SFMBT2: variants seen among roughly 807,000 people sequenced by gnomAD.
The protein encoded by SFMBT2 is scm-like with four MBT domains protein 2.
A neutral mutation model predicts 110.1 loss-of-function variants in SFMBT2; 38 were observed. The observed-to-expected ratio is 0.35, with a 90% CI of 0.27 to 0.45. SFMBT2 has a LOEUF of 0.45. Ranked by LOEUF, SFMBT2 falls within the 20% of genes least tolerant of loss-of-function variation. The probability of loss-of-function intolerance (pLI) is 1.00; values close to 1 mark genes in which losing one functional copy is unlikely to be tolerated. For missense variants in SFMBT2, 1,011 were observed against 1,094.9 expected (o/e 0.92, Z 1.08); for synonymous variants, 425 against 425.4 (o/e 1.00, Z 0.01).
intron 4 of SFMBT2, among the ~76,000 whole-genome samples, chr10:7,324,763 C>T (rs1843323165): frequency 6.6e-6 from 1 of 152,142 alleles, no homozygotes; most frequent in Non-Finnish European, 1.5e-5. Context: ...ACTCGGAGGC[C>T]TCTCCTCCTG....
chr10:7,231,303 G>A (rs1391548107), intron 9 of SFMBT2, among the ~76,000 whole-genome samples: 1 of 152,148 alleles, frequency 6.6e-6, no homozygotes, highest in Non-Finnish European at 1.5e-5. Flanking sequence ...TATTTCCTGA[G>A]TTAATTTCAA....
chr10:7,336,841 T>C (rs1843729761), intron 4 of SFMBT2, among the ~76,000 whole-genome samples: 1 of 152,180 alleles, frequency 6.6e-6, no homozygotes, highest in Non-Finnish European at 1.5e-5. Context: ...CATGCAATTT[T>C]AGCAGAACAG....
chr10:7,254,944 T>G (rs985852666), intron 7 of SFMBT2, among the ~76,000 whole-genome samples: 1 of 152,184 alleles, frequency 6.6e-6, no homozygotes, highest in African/African-American at 2.4e-5. Context: ...TTGACACTCC[T>G]AAGGAATAAC....
intron 6 of SFMBT2, among the ~76,000 whole-genome samples, chr10:7,282,123 G>C (rs966083972): frequency 6.6e-6 from 1 of 152,230 alleles, no homozygotes; most frequent in East Asian, 1.9e-4. Context: ...ATCTTCAGGG[G>C]CCCCCAAGAA....
At chr10:7,201,378 G>A (rs1415166871) in intron 13 of SFMBT2, among the ~76,000 whole-genome samples, 4 of 152,212 alleles carry the variant, frequency 2.6e-5, no homozygotes, top group Non-Finnish European at 5.9e-5. Context: ...GGTGAGAACC[G>A]TTAATCCACG....
At chr10:7,206,552 G>T in intron 11 of SFMBT2, 2 of 985,416 alleles carry the variant, frequency 2.0e-6, no homozygotes, top group Non-Finnish European at 2.4e-6. Context: ...GTGGCCTGTA[G>T]ACTTTGGCTA....
At chr10:7,212,521 C>A (rs887362997) in intron 11 of SFMBT2, among the ~76,000 whole-genome samples, 35 of 152,158 alleles carry the variant, frequency 2.3e-4, no homozygotes, top group Admixed American at 1.0e-3. Context: ...GCACAGGCTC[C>A]CGCAGGTGGC....
rs1837475686 is a variant in SFMBT2, at chr10:7,158,687, T to C, written c.*5083A>G. 6.6e-6 allele frequency: 1 copy of C among 152,368 alleles called. No homozygotes were observed. The highest frequency in any genetic ancestry group is 2.4e-5 in the African/African-American group (1 of 41,592). 9.4% of individuals were successfully genotyped at this position (152,368 alleles called of 1,614,324 possible). ...ATTTTTTTGAAGTAAAAAGGGTTTT[T>C]TTCATTTAGAATAAAAATTAAAATA... On this transcript the variant is annotated 3_prime_UTR_variant, in exon 21 of 21. Coordinates refer to ENST00000397167, the MANE Select transcript of SFMBT2 (RefSeq NM_001387889.1).
At chr10:7,379,405 T>G (rs10905158) in intron 2 of SFMBT2, among the ~76,000 whole-genome samples, 139,262 of 152,128 alleles carry the variant, frequency 0.92, 63,900 homozygotes, top group East Asian at 1. Context: ...ACTTAATAGT[T>G]TGAATGCTCA....
intron 1 of SFMBT2, among the ~76,000 whole-genome samples, chr10:7,395,337 T>G (rs2132113181): frequency 6.6e-6 from 1 of 152,348 alleles, no homozygotes; most frequent in South Asian, 2.1e-4. Flanking sequence ...TCTTGAGGGC[T>G]TCCCTCCATG....
In SFMBT2 at chr10:7,375,968, C is replaced by T. The variant is rs535774824; in HGVS notation, c.101-5593G>A. On this transcript the variant is annotated intron_variant, in intron 2 of 20. Transcript: ENST00000397167. The stretch of plus-strand genomic sequence containing the variant: ...CCCAAATAGAAGAGCCTGTGGTTCT[C>T]CAGTTAATACCAAATGCCAAGAAGA... Among the ~76,000 whole-genome samples the T allele has an allele frequency of 1.6e-4, 24 of 152,176 alleles. No individual in the cohort carries two copies. The South Asian group carries it at 4.8e-3, about 30-fold the overall frequency.
intron 17 of SFMBT2, among the ~76,000 whole-genome samples, chr10:7,175,768 A>C (rs569504519): frequency 6.6e-6 from 1 of 152,272 alleles, no homozygotes; most frequent in South Asian, 2.1e-4. Context: ...CTACCAATGA[A>C]AATTCATCCT....
chr10:7,319,027 G>GC (rs1205278889), intron 4 of SFMBT2, among the ~76,000 whole-genome samples: 1 of 152,214 alleles, frequency 6.6e-6, no homozygotes, highest in East Asian at 1.9e-4. Flanking sequence ...CTGGAGCAGG[G>GC]CCACACGAGG....
chr10:7,278,717 C>A (rs760165710), intron 6 of SFMBT2, among the ~76,000 whole-genome samples: 5 of 152,058 alleles, frequency 3.3e-5, no homozygotes, highest in Non-Finnish European at 5.9e-5. Flanking sequence ...CACCTTTGGC[C>A]CCTTGCTTGG....
chr10:7,369,507 G>T (rs1472468256), intron 3 of SFMBT2, among the ~76,000 whole-genome samples: 2 of 152,194 alleles, frequency 1.3e-5, no homozygotes, highest in Non-Finnish European at 2.9e-5. Context: ...CTTGCCCAGT[G>T]CTGGACATGC....
chr10:7,400,861 G>A (rs995267324), intron 1 of SFMBT2, among the ~76,000 whole-genome samples: 5 of 152,152 alleles, frequency 3.3e-5, no homozygotes, highest in East Asian at 1.9e-4. Flanking sequence ...GGCCAGGCGC[G>A]GTGGTTCGCG....
intron 4 of SFMBT2, among the ~76,000 whole-genome samples, chr10:7,347,774 G>A (rs1037137837): frequency 2.7e-4 from 41 of 152,098 alleles, no homozygotes; most frequent in African/African-American, 9.4e-4. Context: ...GAAGGGCCAC[G>A]GCCAATTATG....
chr10:7,356,227 C>T (rs921496137), intron 4 of SFMBT2, among the ~76,000 whole-genome samples: 1 of 152,166 alleles, frequency 6.6e-6, no homozygotes, highest in Admixed American at 6.5e-5. Context: ...AAGGCACACC[C>T]CAGGCTGGAG....
At position 7,205,119 on chromosome 10, in the gene SFMBT2, C is replaced by T. The variant is rs569586727; in HGVS notation, c.1444+696G>A. On this transcript the variant is annotated intron_variant, in intron 12 of 20. Coordinates refer to ENST00000397167, the MANE Select transcript of SFMBT2 (RefSeq NM_001387889.1). Reference sequence around the variant, plus strand: ...AGACAGAGTCTCACCCTGTCACCCACGCTGGAGTCTACTGGTGCTTGGTTG... The same window carrying T: ...AGACAGAGTCTCACCCTGTCACCCATGCTGGAGTCTACTGGTGCTTGGTTG... 6.2e-5 allele frequency: 15 copies of T among 241,364 alleles called. No individual in the cohort carries two copies. The South Asian group carries it at 1.5e-3, about 25-fold the overall frequency. The allele number at this position is 241,364 out of a possible 1,614,324, so 15.0% of individuals were successfully genotyped here.
Sources: allele counts gnomAD v4.1 joint callset (sites outside exome capture counted in the v4.1 genomes callset), GRCh38; gene constraint gnomAD v4.1.1; transcripts MANE v1.5; gene names NCBI Gene and HGNC (gene_info 2026-07-23, HGNC 2026-07-21).